The following CDHR2 variants were observed in gnomAD, a reference collection of about 807,000 sequenced individuals.
CDHR2 encodes the protein cadherin related family member 2, also known as cadherin-related family member 2.
CDHR2 carries 104 observed loss-of-function variants against 138.6 expected under a neutral mutation model. That is an observed-to-expected ratio of 0.75 (90% CI 0.64 to 0.88). CDHR2 has a LOEUF of 0.88. Ranked by LOEUF, CDHR2 falls within the 40% of genes least tolerant of loss-of-function variation. The pLI, the probability that CDHR2 is intolerant of heterozygous loss-of-function variation, is 0.00. For synonymous variants in CDHR2, 755 were observed against 742.8 expected (o/e 1.02, Z -0.27); for missense variants, 1,624 against 1,727.6 (o/e 0.94, Z 1.06).
intron 23 of CDHR2, 30 bp downstream of exon 23, chr5:176,589,468 A>C: frequency 6.2e-7 from 1 of 1,610,444 alleles, no homozygotes; most frequent in Non-Finnish European, 8.5e-7. Context: ...CCAGCCCCCA[A>C]CGCCCTCTGC....
At chr5:176,593,150 T>C (rs1303613550) in intron 31 of CDHR2, among the ~76,000 whole-genome samples, 1 of 151,734 alleles carries the variant, frequency 6.6e-6, no homozygotes, top group East Asian at 1.9e-4. Context: ...CAGCTGGGGG[T>C]GGGAAAGCAG....
At position 176,575,967 on chromosome 5, in the gene CDHR2, C is replaced by T. The variant is rs759481437; in HGVS notation, c.976C>T (p.Leu326Phe). ...QLQVTATETH[L>F]NIYGQEAKVS... ...TGTGCCTCAGGCCACCGAGACACAC[C>T]TCAACATCTACGGGCAGGAGGCCAA... Residue 326 changes from leucine to phenylalanine, a missense_variant, in exon 12 of 32, where the codon CTC (leucine) becomes TTC (phenylalanine). Around this residue, in one of 3 missense-constraint regions of CDHR2, gnomAD observed 1,061 missense variants for 1,136.6 expected, o/e 0.93. Coordinates refer to ENST00000261944, the MANE Select transcript of CDHR2 (RefSeq NM_017675.6). The T allele has an allele frequency of 1.9e-6, 3 of 1,613,838 alleles. No individual in the cohort carries two copies. The highest frequency in any genetic ancestry group is 2.2e-5 in the South Asian group (2 of 91,038).
At chr5:176,582,266 C>T (rs77707287) in intron 17 of CDHR2, among the ~76,000 whole-genome samples, 4 of 152,080 alleles carry the variant, frequency 2.6e-5, no homozygotes, top group African/African-American at 9.7e-5. Context: ...GCGATCCACC[C>T]GCCTTGGCCT....
chr5:176,589,060 C>T lies in CDHR2; in HGVS notation c.2886C>T (p.Gly962=), dbSNP rs1024163051. 1.5e-5 allele frequency: 25 copies of T among 1,613,914 alleles called. No homozygotes were observed. The highest frequency in any genetic ancestry group is 2.0e-5 in the Non-Finnish European group (24 of 1,179,956). ...GAGACGATGATTCAGGGAACAATGG[C>T]GTCATCCTGTTCTCCATCCTCCGAG... ...RARDDDSGNN[G]VILFSILRVD... The change falls in exon 22 of 32, where the codon GGC becomes GGT. Residue 962 remains glycine (G), a synonymous_variant. Coordinates refer to ENST00000261944, the MANE Select transcript of CDHR2 (RefSeq NM_017675.6).
At chr5:176,571,793 C>T in intron 6 of CDHR2, among the ~76,000 whole-genome samples, 1 of 152,108 alleles carries the variant, frequency 6.6e-6, no homozygotes, top group Non-Finnish European at 1.5e-5. Flanking sequence ...GCCTCGGCCT[C>T]CCAAAGTGCT....
intron 3 of CDHR2, 103 bp from the exon 4 acceptor site, chr5:176,568,575 G>A (rs1461528899): frequency 1.7e-5 from 23 of 1,350,996 alleles, no homozygotes; most frequent in Non-Finnish European, 2.2e-5. Context: ...TCAAGCCTGT[G>A]TACAGGGCAG....
At chr5:176,559,106 A>G (rs2113266806) in intron 1 of CDHR2, among the ~76,000 whole-genome samples, 1 of 152,290 alleles carries the variant, frequency 6.6e-6, no homozygotes, top group African/African-American at 2.4e-5. Flanking sequence ...TTGAACTTCT[A>G]ACAAAGTATC....
intron 2 of CDHR2, 32 bp downstream of exon 2, chr5:176,565,436 C>T: frequency 1.0e-5 from 16 of 1,606,038 alleles, no homozygotes; most frequent in East Asian, 2.2e-5. Context: ...CCACGCAGCC[C>T]TAACCTAGAG....
At chr5:176,582,863 T>C (rs1449677528) in intron 17 of CDHR2, among the ~76,000 whole-genome samples, 2 of 152,124 alleles carry the variant, frequency 1.3e-5, no homozygotes, top group Non-Finnish European at 2.9e-5. Flanking sequence ...ATCAGTCTGG[T>C]TCTAAGGCTG....
chr5:176,591,204 C>T lies in CDHR2; in HGVS notation c.3540-6C>T. 6.2e-7 allele frequency: 1 copy of T among 1,603,560 alleles called. No individual in the cohort carries two copies. ...ACAGTGTGACCCCTCTTCCGGTTCC[C>T]CACAGCTACAACCGGAAGCTTCAAG... On this transcript the variant is annotated splice_polypyrimidine_tract_variant and splice_region_variant and intron_variant, in intron 28 of 31. Coordinates refer to ENST00000261944, the MANE Select transcript of CDHR2 (RefSeq NM_017675.6).
rs572831063 is a variant in CDHR2, at chr5:176,583,549, G to A, written c.2059-641G>A. Among the ~76,000 whole-genome samples, 14 of 151,490 alleles carry A rather than the reference G, an allele frequency of 9.2e-5. No homozygotes were observed. The East Asian group carries it at 2.7e-3, about 29-fold the overall frequency. ...GCCAGTGTTAGGAGACATAGGGGAG[G>A]GCAGAGTCACCTCCAGGCTGTGACA... is the stretch of plus-strand genomic sequence containing the variant. On this transcript the variant is annotated intron_variant, in intron 17 of 31. Coordinates refer to ENST00000261944, the MANE Select transcript of CDHR2 (RefSeq NM_017675.6).
intron 19 of CDHR2, among the ~76,000 whole-genome samples, 172 bp from the exon 20 acceptor site, chr5:176,585,782 G>A (rs1397279158): frequency 6.6e-6 from 1 of 151,744 alleles, no homozygotes; most frequent in East Asian, 1.9e-4. Context: ...GGGGCATGGG[G>A]TTGAGGCTGC....
At chr5:176,582,766 A>G (rs1581145946) in intron 17 of CDHR2, among the ~76,000 whole-genome samples, 1 of 152,306 alleles carries the variant, frequency 6.6e-6, no homozygotes, top group South Asian at 2.1e-4. Context: ...TGTGAGACAG[A>G]GCAAGACCCT....
upstream of CDHR2, among the ~76,000 whole-genome samples, chr5:176,548,834 G>C (rs1356426043): frequency 6.6e-6 from 1 of 152,128 alleles, no homozygotes; most frequent in Non-Finnish European, 1.5e-5. Flanking sequence ...TCTCAATGCG[G>C]GGTGAGATCA....
chr5:176,546,071 G>T (rs536682999), upstream of CDHR2, among the ~76,000 whole-genome samples: 6 of 152,252 alleles, frequency 3.9e-5, no homozygotes, highest in Non-Finnish European at 8.8e-5. Flanking sequence ...CGACCAGGCT[G>T]ACTCCCATGG....
chr5:176,576,216 G>T lies in CDHR2; in HGVS notation c.1194+31G>T, dbSNP rs748051076. 1.9e-6 allele frequency: 3 copies of T among 1,547,656 alleles called. No homozygotes were observed. Among genetic ancestry groups the T allele is most frequent in the Non-Finnish European group, 2.6e-6 (3 of 1,133,298 alleles). Reference sequence around the variant, plus strand: ...CGTGGTGGCGTGGGTGTGGGCGGGGGTGGCTGGGGGAGGCCAGTGGGAGCC... The same window carrying T: ...CGTGGTGGCGTGGGTGTGGGCGGGGTTGGCTGGGGGAGGCCAGTGGGAGCC... On this transcript the variant is annotated intron_variant, in intron 12 of 31. Coordinates refer to ENST00000261944, the MANE Select transcript of CDHR2 (RefSeq NM_017675.6). This position sits in a 1 kb window ranked among gnomAD's most constrained non-coding sequence, Gnocchi z 4.5.
chr5:176,573,562 G>A (rs959966097), intron 6 of CDHR2, among the ~76,000 whole-genome samples: 1 of 151,832 alleles, frequency 6.6e-6, no homozygotes, highest in Non-Finnish European at 1.5e-5. Context: ...CAGGAGAATC[G>A]CTTAAACCCA....
chr5:176,567,832 T>C (rs111961735), intron 3 of CDHR2, among the ~76,000 whole-genome samples: 2,098 of 152,346 alleles, frequency 0.014, 29 homozygotes, highest in South Asian at 0.027. Flanking sequence ...GGTCTCGCTA[T>C]GTGCCTAGGC....
intron 6 of CDHR2, 67 bp from the exon 7 acceptor site, chr5:176,574,016 G>T (rs1758295596): frequency 2.5e-6 from 3 of 1,197,848 alleles, no homozygotes; most frequent in Admixed American, 1.9e-5. Flanking sequence ...AGCTCAGGGG[G>T]GCAGTGACGG....
Sources: allele counts gnomAD v4.1 joint callset (sites outside exome capture counted in the v4.1 genomes callset), GRCh38; gene constraint gnomAD v4.1.1; regional missense constraint gnomAD v4.1.1; non-coding constraint Gnocchi (gnomAD v3.1); transcripts MANE v1.5; gene names NCBI Gene and HGNC (gene_info 2026-07-23, HGNC 2026-07-21).